The following DGKG variants were observed in gnomAD, a reference collection of about 807,000 sequenced individuals.
DGKG encodes the protein diacylglycerol kinase gamma.
Under a neutral mutation model 105.3 loss-of-function variants are expected in DGKG, and 78 were observed. That is an observed-to-expected ratio of 0.74 (90% CI 0.62 to 0.89). The LOEUF (loss-of-function observed/expected upper bound fraction) is 0.89, where lower values mean the gene tolerates loss of function less well. Among genes scored for constraint, DGKG ranks in the 40% least tolerant of loss-of-function variants. DGKG has a pLI of 0.00. For synonymous variants in DGKG, 346 were observed against 367.1 expected (o/e 0.94, Z 0.66); for missense variants, 958 against 1,020.1 (o/e 0.94, Z 0.83).
intron 11 of DGKG, among the ~76,000 whole-genome samples, chr3:186,269,739 G>T (rs1722228595): frequency 6.6e-6 from 1 of 152,166 alleles, no homozygotes; most frequent in Non-Finnish European, 1.5e-5. Context: ...AGTTAGTGAG[G>T]GTCCATTGGT....
chr3:186,160,373 A>G lies in DGKG; in HGVS notation c.2277+1230T>C. The G allele has an allele frequency of 4.1e-6, 4 of 985,276 alleles. No individual in the cohort carries two copies. In the African/African-American group the frequency reaches 5.2e-5, roughly 13 times the overall value. 61.0% of individuals were successfully genotyped at this position (985,276 alleles called of 1,614,324 possible). On this transcript the variant is annotated intron_variant, in intron 24 of 24. Transcript: ENST00000265022. Reference sequence around the variant, plus strand: ...GGGGTTGGAGATAAAAGGAACTTGGATAGATTCTTCTCAACTCAGTTCCAT... The same window carrying G: ...GGGGTTGGAGATAAAAGGAACTTGGGTAGATTCTTCTCAACTCAGTTCCAT...
rs1383206465 is a variant in DGKG, at chr3:186,152,101, G to A, written c.2278-1913C>T. ...CTCAAAAAAATAAAATAAAAATAAA[G>A]GGCTCCAGGAAATGGAAGGGAAGGA... On this transcript the variant is annotated intron_variant, in intron 24 of 24. Transcript: ENST00000265022. 2.6e-5 allele frequency among the ~76,000 whole-genome samples: 4 copies of A among 152,116 alleles called. No individual in the cohort carries two copies. The East Asian group carries it at 7.7e-4, about 29-fold the overall frequency.
intron 20 of DGKG, among the ~76,000 whole-genome samples, chr3:186,214,698 T>C (rs1578675393): frequency 2.0e-5 from 3 of 152,352 alleles, no homozygotes; most frequent in Admixed American, 2.0e-4. Context: ...ATTGCTAATA[T>C]ACTTCGGAGA....
intron 24 of DGKG, chr3:186,158,972 G>A (rs1339750431): frequency 3.1e-6 from 1 of 324,154 alleles, no homozygotes; most frequent in African/African-American, 2.3e-5. Flanking sequence ...CTTTATACCT[G>A]ATAAAGGATA....
intron 1 of DGKG, among the ~76,000 whole-genome samples, chr3:186,348,363 G>A (rs1726444912): frequency 7.1e-6 from 1 of 141,236 alleles, no homozygotes; most frequent in African/African-American, 2.6e-5. Context: ...CTACTTGCTG[G>A]GTGCTTTTTT....
chr3:186,154,135 T>C (rs2108469557), intron 24 of DGKG, among the ~76,000 whole-genome samples: 1 of 152,170 alleles, frequency 6.6e-6, no homozygotes, highest in South Asian at 2.1e-4. Context: ...GTGTCTGAGG[T>C]CTGCTGTAAT....
intron 15 of DGKG, among the ~76,000 whole-genome samples, 198 bp downstream of exon 15, chr3:186,261,501 T>C (rs1306735433): frequency 6.6e-6 from 1 of 151,908 alleles, no homozygotes; most frequent in Non-Finnish European, 1.5e-5. Context: ...GGAGGAATGA[T>C]AATTATCTCC....
At chr3:186,310,279 A>AAAAAAAAAC (rs1560148114) in intron 2 of DGKG, among the ~76,000 whole-genome samples, 3 of 149,032 alleles carry the variant, frequency 2.0e-5, no homozygotes, top group African/African-American at 4.9e-5. Context: ...AAAAAAAAAA[A>AAAAAAAAAC]AAAAAAAAAA....
At chr3:186,343,168 C>T (rs1033381543) in intron 1 of DGKG, among the ~76,000 whole-genome samples, 9 of 152,170 alleles carry the variant, frequency 5.9e-5, no homozygotes, top group South Asian at 2.1e-4. Context: ...CGCTTGTGAA[C>T]GAGGATTACC....
Position 186,267,691 on chromosome 3 carries a change from G to T in DGKG, c.1203C>A (p.Ile401=). The part of the protein sequence containing the change: ...HILLPTSICP[I]TRDRPGEKSD... ...CCGGGGCAGGAGCACTTACCCGGGT[G>T]ATGGGGCATATGGAGGTGGGCAGTA... Residue 401 remains isoleucine (I), a synonymous_variant, in exon 13 of 25, where the codon ATC becomes ATA. Transcript: ENST00000265022. The T allele has an allele frequency of 6.2e-7, 1 of 1,613,956 alleles. No individual in the cohort carries two copies. The highest frequency in any genetic ancestry group is 8.5e-7 in the Non-Finnish European group (1 of 1,179,804).
intron 22 of DGKG, among the ~76,000 whole-genome samples, chr3:186,167,374 A>T (rs995548335): frequency 2.6e-5 from 4 of 152,254 alleles, no homozygotes; most frequent in Non-Finnish European, 4.4e-5. Context: ...TCTATGTAAC[A>T]TTGTTTCCCA....
Position 186,322,699 on chromosome 3 carries a change from G to T in DGKG, c.-248-1992C>A, listed in dbSNP as rs1036477753. Among the ~76,000 whole-genome samples, 28 of 152,150 alleles carry T rather than the reference G, an allele frequency of 1.8e-4. 1 individual carries two copies. Among genetic ancestry groups the T allele is most frequent in the Non-Finnish European group, 1.5e-5 (1 of 68,036 alleles). On this transcript the variant is annotated intron_variant, in intron 1 of 24. Transcript: ENST00000265022. Reference sequence around the variant, plus strand: ...CTTTAATGACCCCCGGCATGCTGCGGCAGCCCTGAGCTCTCTCCTTGGTCT... The same window carrying T: ...CTTTAATGACCCCCGGCATGCTGCGTCAGCCCTGAGCTCTCTCCTTGGTCT...
chr3:186,164,050 G>A (rs1223648706), intron 23 of DGKG, among the ~76,000 whole-genome samples: 4 of 152,244 alleles, frequency 2.6e-5, no homozygotes, highest in African/African-American at 9.6e-5. Flanking sequence ...GAGGAATGCA[G>A]TGTGGTGCCA....
chr3:186,213,627 G>A (rs1313121382), intron 20 of DGKG, among the ~76,000 whole-genome samples: 1 of 152,188 alleles, frequency 6.6e-6, no homozygotes, highest in Non-Finnish European at 1.5e-5. Flanking sequence ...CTATGCCTGT[G>A]GTTCTCAAAC....
intron 10 of DGKG, among the ~76,000 whole-genome samples, chr3:186,274,563 G>T (rs1722488610): frequency 8.5e-6 from 1 of 118,084 alleles, no homozygotes; most frequent in Admixed American, 1.2e-4. Context: ...ACAGGCCCCA[G>T]TGTGTGATGT....
chr3:186,307,881 C>CT (rs3216624), intron 2 of DGKG, among the ~76,000 whole-genome samples: 47,149 of 144,410 alleles, frequency 0.33, 7,620 homozygotes, highest in Middle Eastern at 0.39. Flanking sequence ...AACTCTGTCC[C>CT]TTTTTTTTTT....
At chr3:186,285,122 T>TG (rs1437899039) in intron 6 of DGKG, among the ~76,000 whole-genome samples, 6 of 152,198 alleles carry the variant, frequency 3.9e-5, no homozygotes, top group Non-Finnish European at 5.9e-5. Flanking sequence ...CTGCCACTTC[T>TG]GGGGGGTGCC....
intron 2 of DGKG, among the ~76,000 whole-genome samples, chr3:186,307,828 T>C (rs1024781278): frequency 3.3e-5 from 5 of 151,742 alleles, no homozygotes; most frequent in African/African-American, 4.8e-5. Flanking sequence ...AACACTGTTG[T>C]ACACTATGGC....
intron 20 of DGKG, among the ~76,000 whole-genome samples, chr3:186,228,397 C>T (rs1719958015): frequency 2.0e-5 from 3 of 152,170 alleles, no homozygotes; most frequent in South Asian, 4.1e-4. Flanking sequence ...ATTTTAAAGT[C>T]CCAGTGTTTC....
Sources: gnomAD v4.1 joint callset for allele counts (sites outside exome capture counted in the v4.1 genomes callset) on GRCh38, gnomAD v4.1.1 for gene constraint, MANE v1.5 for transcripts, NCBI Gene and HGNC (gene_info 2026-07-23, HGNC 2026-07-21) for gene names.